TTC28: variants seen among roughly 807,000 people sequenced by gnomAD.
The protein encoded by TTC28 is tetratricopeptide repeat protein 28.
Under a neutral mutation model 198.0 loss-of-function variants are expected in TTC28, and 61 were observed. The observed-to-expected ratio is 0.31, with a 90% confidence interval of 0.25 to 0.38. The LOEUF (loss-of-function observed/expected upper bound fraction) is 0.38, where lower values mean the gene tolerates loss of function less well. Ranked by LOEUF, TTC28 falls within the 10% of genes least tolerant of loss-of-function variation. The pLI is 1.00. For missense variants in TTC28, 2,678 were observed against 3,164.0 expected, an observed-to-expected ratio of 0.85 and a Z score of 3.69; for synonymous variants, 1,171 against 1,297.8, an observed-to-expected ratio of 0.90 and a Z score of 2.10.
intron 2 of TTC28, among the ~76,000 whole-genome samples, chr22:28,408,326 T>C (rs1288832308): frequency 1.3e-5 from 2 of 152,144 alleles, no homozygotes; most frequent in Non-Finnish European, 2.9e-5. Context: ...TTCATATAAT[T>C]CTCAAAGTAA....
chr22:28,609,604 C>G (rs866280822), intron 2 of TTC28, among the ~76,000 whole-genome samples: 1 of 152,206 alleles, frequency 6.6e-6, no homozygotes, highest in African/African-American at 2.4e-5. Context: ...CTTCCGATGC[C>G]TATGCCACCA....
rs543481070 is a variant in TTC28, at chr22:28,662,070, T to C, written c.102+17552A>G. Among the ~76,000 whole-genome samples the C allele has an allele frequency of 3.3e-4, 51 of 152,286 alleles. No homozygotes were observed. In the South Asian group the frequency reaches 0.01, roughly 30 times the overall value. The stretch of plus-strand genomic sequence containing the variant: ...TTGTAACTTTCAATACATAAAGAAA[T>C]TACACTGCTCACATTGTAATTAATT... On this transcript the variant is annotated intron_variant, in intron 1 of 22. Transcript: ENST00000397906.
chr22:28,494,316 A>C (rs573578998), intron 2 of TTC28, among the ~76,000 whole-genome samples: 1 of 152,326 alleles, frequency 6.6e-6, no homozygotes, highest in South Asian at 2.1e-4. Flanking sequence ...GGAGGCCATC[A>C]ATCTAAGATG....
chr22:28,457,950 T>C (rs1485180474), intron 2 of TTC28, among the ~76,000 whole-genome samples: 1 of 152,198 alleles, frequency 6.6e-6, no homozygotes, highest in Non-Finnish European at 1.5e-5. Context: ...ATTTTCATTA[T>C]CTAAAATTAT....
At chr22:28,077,518 C>T (rs1941207404) in intron 12 of TTC28, among the ~76,000 whole-genome samples, 1 of 152,198 alleles carries the variant, frequency 6.6e-6, no homozygotes, top group Non-Finnish European at 1.5e-5. Context: ...ATTTACTCTT[C>T]GACCAGTCAT....
intron 2 of TTC28, among the ~76,000 whole-genome samples, chr22:28,466,393 C>A (rs1303553005): frequency 3.3e-5 from 5 of 152,158 alleles, no homozygotes; most frequent in Admixed American, 3.3e-4. Flanking sequence ...CTCTCTGTTT[C>A]CTCTTTCCCC....
At chr22:28,385,223 A>C (rs2046559757) in intron 2 of TTC28, among the ~76,000 whole-genome samples, 1 of 149,684 alleles carries the variant, frequency 6.7e-6, no homozygotes, top group Non-Finnish European at 1.5e-5. Flanking sequence ...AATTATTTGC[A>C]ATTTTCTTTT....
chr22:27,999,298 C>G, intron 15 of TTC28, 38 bp from the exon 16 acceptor site: 1 of 1,508,810 alleles, frequency 6.6e-7, no homozygotes. Context: ...ACCCGTCAGA[C>G]AGAACAGCCA....
intron 2 of TTC28, among the ~76,000 whole-genome samples, chr22:28,349,284 G>A (rs1164225935): frequency 6.6e-6 from 1 of 152,128 alleles, no homozygotes; most frequent in African/African-American, 2.4e-5. Context: ...CAAAACCCCT[G>A]TAATTACATA....
At chr22:28,449,428 T>C (rs1435524693) in intron 2 of TTC28, among the ~76,000 whole-genome samples, 2 of 152,238 alleles carry the variant, frequency 1.3e-5, no homozygotes, top group Admixed American at 6.5e-5. Flanking sequence ...GTACCAAGCA[T>C]TGAAATATTT....
intron 2 of TTC28, among the ~76,000 whole-genome samples, chr22:28,593,575 T>C (rs1166627089): frequency 6.8e-6 from 1 of 148,074 alleles, no homozygotes; most frequent in Non-Finnish European, 1.5e-5. Context: ...GATTGGTTTA[T>C]ATGTTCATCA....
chr22:28,605,229 T>C (rs1249186910), intron 2 of TTC28, among the ~76,000 whole-genome samples: 1 of 152,188 alleles, frequency 6.6e-6, no homozygotes, highest in African/African-American at 2.4e-5. Context: ...ACTGTAACAT[T>C]ACTTTAGGCT....
At chr22:28,512,864 C>T (rs144423462) in intron 2 of TTC28, among the ~76,000 whole-genome samples, 73 of 151,980 alleles carry the variant, frequency 4.8e-4, no homozygotes, top group South Asian at 2.1e-3. Flanking sequence ...AGAACCACGG[C>T]GCATTTTTAC....
intron 1 of TTC28, among the ~76,000 whole-genome samples, chr22:28,641,108 G>A (rs1023434505): frequency 1.3e-5 from 2 of 152,032 alleles, no homozygotes; most frequent in African/African-American, 4.8e-5. Flanking sequence ...GGTGGATCAC[G>A]AGGTCAGGAG....
chr22:28,494,520 C>A (rs2048424567), intron 2 of TTC28, among the ~76,000 whole-genome samples: 1 of 152,152 alleles, frequency 6.6e-6, no homozygotes, highest in Non-Finnish European at 1.5e-5. Context: ...CTATCAGAAA[C>A]TGCCAACTAA....
At chr22:28,518,552 C>T (rs1393319909) in intron 2 of TTC28, among the ~76,000 whole-genome samples, 4 of 152,088 alleles carry the variant, frequency 2.6e-5, no homozygotes, top group African/African-American at 9.7e-5. Context: ...GAGGTTACAA[C>T]GAACTATGAT....
At chr22:28,241,428 T>C (rs1181598775) in intron 5 of TTC28, among the ~76,000 whole-genome samples, 1 of 152,136 alleles carries the variant, frequency 6.6e-6, no homozygotes, top group Non-Finnish European at 1.5e-5. Flanking sequence ...AAATAGCAGA[T>C]CAAACATTAC....
At chr22:28,236,422 G>A (rs1929254564) in intron 5 of TTC28, among the ~76,000 whole-genome samples, 1 of 152,164 alleles carries the variant, frequency 6.6e-6, no homozygotes, top group Non-Finnish European at 1.5e-5. Flanking sequence ...GAATGAAAAG[G>A]ATGGGAATCT....
intron 2 of TTC28, among the ~76,000 whole-genome samples, chr22:28,425,513 C>G (rs114256223): frequency 6.6e-6 from 1 of 152,280 alleles, no homozygotes; most frequent in African/African-American, 2.4e-5. Context: ...TCCTTGAAGA[C>G]AGGGATAGAG....
Sources: gnomAD v4.1 joint callset for allele counts (sites outside exome capture counted in the v4.1 genomes callset) on GRCh38, gnomAD v4.1.1 for gene constraint, MANE v1.5 for transcripts, NCBI Gene and HGNC (gene_info 2026-07-23, HGNC 2026-07-21) for gene names.